CSE1L: variants seen among roughly 807,000 people sequenced by gnomAD.
CSE1L encodes the protein chromosome segregation 1 like.
A neutral mutation model predicts 120.4 loss-of-function variants in CSE1L; 24 were observed. The observed-to-expected ratio is 0.20, with a 90% CI of 0.14 to 0.28. CSE1L has a LOEUF of 0.28. CSE1L is among the 10% of genes least tolerant of loss of function. The pLI is 1.00. For synonymous variants in CSE1L, 402 were observed against 398.3 expected (o/e 1.01, Z -0.11); for missense variants, 830 against 1,145.2 (o/e 0.72, Z 3.97).
rs977360141 is a variant in CSE1L, at chr20:49,072,806, A to G, written c.1066+109A>G. ...ACTGGATAAAACTTGTATGTCATTT[A>G]TTTCTTATTTTCTAAACCAAGACAG... On this transcript the variant is annotated intron_variant, in intron 10 of 24. Coordinates refer to ENST00000262982, the MANE Select transcript of CSE1L (RefSeq NM_001316.4). 12 of 1,122,670 alleles carry G rather than the reference A, an allele frequency of 1.1e-5. 1 individual carries two copies. The highest frequency in any genetic ancestry group is 8.3e-5 in the South Asian group (4 of 48,186). 69.5% of individuals were successfully genotyped at this position (1,122,670 alleles called of 1,614,324 possible).
intron 11 of CSE1L, among the ~76,000 whole-genome samples, 180 bp from the exon 12 acceptor site, chr20:49,075,138 A>G (rs2091960081): frequency 1.3e-5 from 2 of 151,578 alleles, no homozygotes; most frequent in Admixed American, 1.3e-4. Context: ...GGGGGCGGGA[A>G]TGTTTTTTTC....
chr20:49,096,230 G>C, intron 24 of CSE1L, 119 bp from the exon 25 acceptor site: 1 of 803,650 alleles, frequency 1.2e-6, no homozygotes, highest in Non-Finnish European at 2.2e-6. Context: ...TTTGGATGGT[G>C]ATTAATGACT....
intron 19 of CSE1L, 83 bp from the exon 20 acceptor site, chr20:49,090,659 C>G: frequency 9.9e-7 from 1 of 1,009,400 alleles, no homozygotes; most frequent in Admixed American, 1.8e-5. Context: ...AGTATGAACT[C>G]TGTTTTAAGA....
chr20:49,049,667 T>G (rs1435784132), intron 1 of CSE1L, among the ~76,000 whole-genome samples: 4 of 152,240 alleles, frequency 2.6e-5, no homozygotes, highest in African/African-American at 9.6e-5. Context: ...TGATTTCTCT[T>G]ATTTTCTCAA....
At chr20:49,074,451 ATTTTAATGT>A (rs2091955928) in intron 10 of CSE1L, among the ~76,000 whole-genome samples, 1 of 152,062 alleles carries the variant, frequency 6.6e-6, no homozygotes, top group Admixed American at 6.6e-5. Context: ...GGTTGTTGGT[ATTTTAATGT>A]TCTTATTTGG....
At chr20:49,089,154 T>G in intron 17 of CSE1L, 93 bp from the exon 18 acceptor site, 1 of 1,136,098 alleles carries the variant, frequency 8.8e-7, no homozygotes, top group Non-Finnish European at 1.2e-6. Context: ...AATTTTGATT[T>G]TTAAAAAATA....
In CSE1L at chr20:49,058,975, C is replaced by T. The variant is rs184450941; in HGVS notation, c.85+427C>T. On this transcript the variant is annotated intron_variant, in intron 2 of 24. Transcript: ENST00000262982. ...TGAAACCCCGTCTCTACTAAAAGTA[C>T]AAAAAATTAGCCGGGCGTGGTGGCG... Among the ~76,000 whole-genome samples the T allele has an allele frequency of 1.6e-3, 239 of 151,928 alleles. 1 individual carries two copies. Among genetic ancestry groups the T allele is most frequent in the Non-Finnish European group, 2.4e-3 (161 of 67,956 alleles).
chr20:49,061,656 C>G (rs1047471280), intron 2 of CSE1L, among the ~76,000 whole-genome samples: 5 of 151,744 alleles, frequency 3.3e-5, no homozygotes, highest in Non-Finnish European at 5.9e-5. Flanking sequence ...GCGCCCGCCA[C>G]CACACCCGGC....
At chr20:49,060,141 T>C (rs2091840288) in intron 2 of CSE1L, among the ~76,000 whole-genome samples, 1 of 147,684 alleles carries the variant, frequency 6.8e-6, no homozygotes, top group Non-Finnish European at 1.5e-5. Context: ...GTTATGATCA[T>C]GTCAGTGCAC....
intron 6 of CSE1L, 56 bp from the exon 7 acceptor site, chr20:49,068,659 A>T (rs2091911060): frequency 8.8e-7 from 1 of 1,138,100 alleles, no homozygotes. Context: ...TTTCACTAAG[A>T]TCAGCATGCT....
chr20:49,058,436 C>A lies in CSE1L; in HGVS notation c.-11-17C>A. The A allele has an allele frequency of 6.4e-7, 1 of 1,551,898 alleles. No individual in the cohort carries two copies. Among genetic ancestry groups the A allele is most frequent in the Non-Finnish European group, 8.8e-7 (1 of 1,134,340 alleles). On this transcript the variant is annotated splice_polypyrimidine_tract_variant and intron_variant, in intron 1 of 24. Coordinates refer to ENST00000262982, the MANE Select transcript of CSE1L (RefSeq NM_001316.4). ...TCCGTAAGTGACCAGTTATCCAAAC[C>A]TTATTTTATATTTTAGATCCTATAG...
chr20:49,089,399 T>G lies in CSE1L; in HGVS notation c.1972+2T>G. Reference sequence around the variant, plus strand: ...AAATCTTACAAAATGATGTGCAAGGTAAGTTAACGGAAATTATTTTCTTTG... The same window carrying G: ...AAATCTTACAAAATGATGTGCAAGGGAAGTTAACGGAAATTATTTTCTTTG... On this transcript the variant is annotated splice_donor_variant, in intron 18 of 24. Coordinates refer to ENST00000262982, the MANE Select transcript of CSE1L (RefSeq NM_001316.4). LOFTEE classifies it high-confidence loss of function. 6.2e-7 allele frequency: 1 copy of G among 1,607,188 alleles called. No individual in the cohort carries two copies. Among genetic ancestry groups the G allele is most frequent in the Non-Finnish European group, 8.5e-7 (1 of 1,178,312 alleles).
intron 5 of CSE1L, 125 bp downstream of exon 5, chr20:49,066,635 G>T (rs1447480524): frequency 1.2e-6 from 1 of 845,090 alleles, no homozygotes; most frequent in Non-Finnish European, 1.8e-6. Context: ...GAGAGCAGAA[G>T]TTTCTGTATT....
At chr20:49,046,863 C>G (rs577318681) in intron 1 of CSE1L, among the ~76,000 whole-genome samples, 3 of 152,324 alleles carry the variant, frequency 2.0e-5, no homozygotes, top group South Asian at 2.1e-4. Flanking sequence ...GCGGCGAGGC[C>G]TGCCCGGGCG....
chr20:49,068,908 C>T, intron 7 of CSE1L, 86 bp downstream of exon 7: 1 of 948,074 alleles, frequency 1.1e-6, no homozygotes, highest in Non-Finnish European at 1.7e-6. Flanking sequence ...ACTTCTTTGC[C>T]AGCATTGATT....
chr20:49,091,828 T>A (rs1164423126), intron 21 of CSE1L, among the ~76,000 whole-genome samples: 1 of 152,246 alleles, frequency 6.6e-6, no homozygotes, highest in Non-Finnish European at 1.5e-5. Context: ...AAAACATTTT[T>A]TCAGTAGAGA....
chr20:49,077,322 G>C (rs1459842309), intron 13 of CSE1L, among the ~76,000 whole-genome samples: 12 of 151,866 alleles, frequency 7.9e-5, no homozygotes, highest in Non-Finnish European at 1.6e-4. Flanking sequence ...ACCATGCCCG[G>C]CTAATTTTTG....
intron 3 of CSE1L, among the ~76,000 whole-genome samples, chr20:49,064,401 C>G (rs1600598613): frequency 6.6e-6 from 1 of 152,158 alleles, no homozygotes; most frequent in East Asian, 1.9e-4. Flanking sequence ...TCTCAAGTAT[C>G]ACCATGAGTG....
At chr20:49,079,974 T>C (rs2091998815) in intron 14 of CSE1L, among the ~76,000 whole-genome samples, 1 of 152,148 alleles carries the variant, frequency 6.6e-6, no homozygotes, top group Admixed American at 6.5e-5. Context: ...CTCGGGAGGC[T>C]GAGACATGAG....
Sources: allele counts gnomAD v4.1 joint callset (sites outside exome capture counted in the v4.1 genomes callset), GRCh38; gene constraint gnomAD v4.1.1; transcripts MANE v1.5; gene names NCBI Gene and HGNC (gene_info 2026-07-23, HGNC 2026-07-21).